The following LPAR1 variants were observed in gnomAD, a reference collection of about 807,000 sequenced individuals.
The protein encoded by LPAR1 is LPA receptor 1.
In LPAR1, 5 loss-of-function variants were observed where a neutral mutation model predicts 23.8. The observed-to-expected ratio is 0.21, with a 90% CI of 0.11 to 0.44. The LOEUF is 0.44. LPAR1 is among the 20% of genes least tolerant of loss of function. LPAR1 has a pLI of 0.99. For synonymous variants in LPAR1, 160 were observed against 164.7 expected (o/e 0.97, Z 0.22); for missense variants, 311 against 482.8 (o/e 0.64, Z 3.33).
chr9:111,028,132 A>ATT lies in LPAR1; in HGVS notation c.-182+7988_-182+7989dup, dbSNP rs564873913. 4.3e-3 allele frequency among the ~76,000 whole-genome samples: 619 copies of ATT among 144,546 alleles called. 4 individuals are homozygous for ATT. Among genetic ancestry groups the ATT allele is most frequent in the African/African-American group, 0.014 (554 of 39,676 alleles). 94.8% of individuals were successfully genotyped at this position (144,546 alleles called of 152,430 possible). A position where few individuals can be genotyped will look rare whatever the true frequency, so the allele number is the denominator to read the frequency against. On this transcript the variant is annotated intron_variant, in intron 2 of 5. Coordinates refer to ENST00000683809, the MANE Select transcript of LPAR1 (RefSeq NM_001351411.2). ...GAAATTATCCCAAAATGGAATAAGA[A>ATT]TTTTTTTTTTTTTTTTGAGGCAGAA...
intron 2 of LPAR1, among the ~76,000 whole-genome samples, chr9:110,977,851 GGAAGGAAGGAAGGAAGGAA>G (rs1564228200): frequency 6.2e-5 from 2 of 32,260 alleles, no homozygotes; most frequent in Admixed American, 6.1e-4. Context: ...AAGGAGGGAA[GGAAGGAAGGAAGGAAGGAA>G]GGAAGGAAGG....
intron 5 of LPAR1, among the ~76,000 whole-genome samples, chr9:110,900,504 C>A (rs1255341449): frequency 6.6e-6 from 1 of 152,130 alleles, no homozygotes; most frequent in Non-Finnish European, 1.5e-5. Context: ...TCCTAGAGAA[C>A]AGGGATTTTC....
intron 4 of LPAR1, among the ~76,000 whole-genome samples, chr9:110,944,373 A>C (rs1490175750): frequency 6.6e-6 from 1 of 152,250 alleles, no homozygotes; most frequent in Non-Finnish European, 1.5e-5. Context: ...ATACATATTG[A>C]TTTCCTTAAT....
chr9:110,913,342 CAGG>C (rs2134505590), intron 5 of LPAR1, among the ~76,000 whole-genome samples: 2 of 152,290 alleles, frequency 1.3e-5, no homozygotes, highest in East Asian at 3.9e-4. Context: ...AGGTTTCCAA[CAGG>C]TAGTATTTAC....
At position 110,875,621 on chromosome 9, in the gene LPAR1, G is replaced by A. The variant is rs1342232989; in HGVS notation, c.895C>T (p.Leu299Phe). 6.2e-7 allele frequency: 1 copy of A among 1,613,882 alleles called. No homozygotes were observed. Among genetic ancestry groups the A allele is most frequent in the African/African-American group, 1.3e-5 (1 of 74,906 alleles). ...TTCATGGCAGAGTTGAATTCAGCAAGGAGAAGGAAGAATTTCTCATAGGCC... is the reference window on the plus strand; with the variant it reads ...TTCATGGCAGAGTTGAATTCAGCAAAGAGAAGGAAGAATTTCTCATAGGCC... Reference protein sequence around the residue: ...VLAYEKFFLLLAEFNSAMNPI... With the variant: ...VLAYEKFFLLFAEFNSAMNPI... The change falls in exon 6 of 6, where the codon CTT (leucine) becomes TTT (phenylalanine). Residue 299 changes from leucine (L) to phenylalanine (F), a missense_variant. Leu to Phe is a conservative substitution (Grantham distance 22). Transcript: ENST00000683809.
intron 2 of LPAR1, among the ~76,000 whole-genome samples, chr9:110,977,846 GGGAAGGAAGGAAGGAAGGAAGGAA>G (rs1196226719): frequency 2.3e-4 from 17 of 75,232 alleles, no homozygotes; most frequent in East Asian, 4.7e-4. Flanking sequence ...GAAGGAAGGA[GGGAAGGAAGGAAGGAAGGAAGGAA>G]GGAAGGAAGG....
At chr9:110,903,720 T>C (rs2090144059) in intron 5 of LPAR1, among the ~76,000 whole-genome samples, 1 of 150,544 alleles carries the variant, frequency 6.6e-6, no homozygotes, top group Non-Finnish European at 1.5e-5. Flanking sequence ...AAAAAGAGAG[T>C]GGGCTTGAAA....
chr9:110,914,908 T>C (rs2092911821), intron 5 of LPAR1, among the ~76,000 whole-genome samples: 1 of 152,020 alleles, frequency 6.6e-6, no homozygotes, highest in African/African-American at 2.4e-5. Context: ...AAATGAAACC[T>C]AACCTTAGTT....
At chr9:110,910,385 G>C (rs1050955679) in intron 5 of LPAR1, among the ~76,000 whole-genome samples, 1 of 152,112 alleles carries the variant, frequency 6.6e-6, no homozygotes, top group Non-Finnish European at 1.5e-5. Flanking sequence ...GTTGAGACCT[G>C]CTAAGAAACA....
intron 5 of LPAR1, among the ~76,000 whole-genome samples, chr9:110,893,641 C>T (rs1259178883): frequency 6.6e-6 from 1 of 152,098 alleles, no homozygotes; most frequent in Non-Finnish European, 1.5e-5. Context: ...GTTTTTGTAA[C>T]TTTTTTTGGT....
intron 4 of LPAR1, chr9:110,945,434 A>G (rs2095336623): frequency 6.6e-6 from 1 of 152,222 alleles, no homozygotes; most frequent in Non-Finnish European, 1.5e-5. Context: ...GAAAAAAAGA[A>G]GAGATAGAAA....
chr9:111,035,229 ATT>A (rs34972202), intron 2 of LPAR1, among the ~76,000 whole-genome samples: 2 of 149,318 alleles, frequency 1.3e-5, no homozygotes, highest in African/African-American at 4.9e-5. Flanking sequence ...TTTCCCTAAG[ATT>A]TTTTTTTTTA....
At chr9:111,010,939 A>G (rs761358435) in intron 2 of LPAR1, among the ~76,000 whole-genome samples, 2 of 152,202 alleles carry the variant, frequency 1.3e-5, no homozygotes, top group Non-Finnish European at 2.9e-5. Context: ...ATCTTTGAAA[A>G]AGTGATTCTG....
At chr9:110,982,641 TA>T (rs1483711723) in intron 2 of LPAR1, among the ~76,000 whole-genome samples, 1 of 151,368 alleles carries the variant, frequency 6.6e-6, no homozygotes, top group East Asian at 1.9e-4. Flanking sequence ...AAAATAAAAA[TA>T]AAAAAATTTA....
At chr9:110,881,927 GCTC>G (rs2080978358) in intron 5 of LPAR1, among the ~76,000 whole-genome samples, 1 of 151,944 alleles carries the variant, frequency 6.6e-6, no homozygotes, top group African/African-American at 2.4e-5. Flanking sequence ...CTTTCCACTC[GCTC>G]CTCATTTACG....
chr9:110,954,768 C>T (rs2095683797), intron 4 of LPAR1, among the ~76,000 whole-genome samples: 1 of 152,142 alleles, frequency 6.6e-6, no homozygotes, highest in South Asian at 2.1e-4. Flanking sequence ...AGTTATCCTT[C>T]ATAAATGTAG....
chr9:110,877,348 CA>C (rs2079391560), intron 5 of LPAR1, among the ~76,000 whole-genome samples: 1 of 152,120 alleles, frequency 6.6e-6, no homozygotes, highest in South Asian at 2.1e-4. Context: ...CAAGGTACTT[CA>C]TTTTCTAATA....
intron 2 of LPAR1, among the ~76,000 whole-genome samples, chr9:111,010,848 C>G (rs1336816375): frequency 6.6e-6 from 1 of 152,160 alleles, no homozygotes; most frequent in African/African-American, 2.4e-5. Flanking sequence ...CTTCCAGAAA[C>G]AGATCTCTGA....
rs2078784984 is a variant in LPAR1, at chr9:110,875,073, A to G, written c.*348T>C. The stretch of plus-strand genomic sequence containing the variant: ...TATAAATGAAGTTGTGGATTCAACT[A>G]GCCAGAATTTATTCTGACTTGCACC... On this transcript the variant is annotated 3_prime_UTR_variant, in exon 6 of 6. Coordinates refer to ENST00000683809, the MANE Select transcript of LPAR1 (RefSeq NM_001351411.2). 5.6e-6 allele frequency: 1 copy of G among 177,686 alleles called. No homozygotes were observed. Among genetic ancestry groups the G allele is most frequent in the African/African-American group, 2.4e-5 (1 of 42,496 alleles). 11.0% of individuals were successfully genotyped at this position (177,686 alleles called of 1,614,324 possible).
Sources: gnomAD v4.1 joint callset for allele counts (sites outside exome capture counted in the v4.1 genomes callset) on GRCh38, gnomAD v4.1.1 for gene constraint, MANE v1.5 for transcripts, NCBI Gene and HGNC (gene_info 2026-07-23, HGNC 2026-07-21) for gene names.